Variants in PLAC1 observed in about 807,000 individuals in gnomAD.
PLAC1 encodes the protein placenta associated 1.
For synonymous variants in PLAC1, 68 were observed against 62.1 expected (o/e 1.09, Z -0.44); for missense variants, 136 against 163.2 (o/e 0.83, Z 0.91).
At chrX:134,633,585 G>A (rs1401640407) in intron 1 of PLAC1, among the ~76,000 whole-genome samples, 3 of 111,666 alleles carry the variant, frequency 2.7e-5, no homozygotes, top group Non-Finnish European at 5.6e-5. Flanking sequence ...GAAAGCAAGA[G>A]GAAATAAGGT....
At chrX:134,672,942 T>A (rs1477409246) in intron 2 of PLAC1, among the ~76,000 whole-genome samples, 1 of 112,449 alleles carries the variant, frequency 8.9e-6, no homozygotes, top group African/African-American at 3.2e-5. Flanking sequence ...ACTTACTGAG[T>A]ACTTTGTCAA....
At chrX:134,595,488 T>C (rs2078057985) in intron 2 of PLAC1, among the ~76,000 whole-genome samples, 1 of 109,962 alleles carries the variant, frequency 9.1e-6, no homozygotes, top group African/African-American at 3.3e-5. Context: ...CTTCTTTCAG[T>C]TCTATCAGTT....
At chrX:134,610,507 A>G (rs182985946) in intron 1 of PLAC1, among the ~76,000 whole-genome samples, 6 of 111,688 alleles carry the variant, frequency 5.4e-5, no homozygotes, top group African/African-American at 1.6e-4. Context: ...TCCTCCCAGG[A>G]ATCCTTGTCA....
intron 2 of PLAC1, among the ~76,000 whole-genome samples, chrX:134,692,698 G>A (rs1181859500): frequency 1.8e-5 from 2 of 111,794 alleles, no homozygotes; most frequent in Admixed American, 1.9e-4. Context: ...CAATCATTGA[G>A]TTAACTCATA....
chrX:134,607,543 C>T (rs1015505148), intron 1 of PLAC1: 8 of 172,964 alleles, frequency 4.6e-5, no homozygotes, highest in Non-Finnish European at 8.0e-5. Flanking sequence ...GAAGCACCAG[C>T]CCGCTCCACC....
At chrX:134,696,756 C>T (rs1033912859) in intron 2 of PLAC1, among the ~76,000 whole-genome samples, 1 of 110,971 alleles carries the variant, frequency 9.0e-6, no homozygotes, top group African/African-American at 3.3e-5. Flanking sequence ...TGGCCGGGCG[C>T]GGTGGCTCAC....
chrX:134,756,836 A>G (rs2078758691), intron 1 of PLAC1, among the ~76,000 whole-genome samples: 1 of 108,628 alleles, frequency 9.2e-6, no homozygotes, highest in African/African-American at 3.4e-5. Flanking sequence ...GGGAAAGAGC[A>G]AGACTCCGTC....
chrX:134,634,827 C>T (rs1018490354), intron 1 of PLAC1, among the ~76,000 whole-genome samples: 1 of 112,232 alleles, frequency 8.9e-6, no homozygotes, highest in Non-Finnish European at 1.9e-5. Flanking sequence ...CCGCCATGAA[C>T]ATTCATGTAC....
intron 2 of PLAC1, among the ~76,000 whole-genome samples, chrX:134,706,844 G>T (rs1456393562): frequency 9.0e-6 from 1 of 111,531 alleles, no homozygotes; most frequent in Non-Finnish European, 1.9e-5. Flanking sequence ...TAAGCTCGAA[G>T]ATACAAAAAT....
chrX:134,645,906 A>G (rs2078330676), intron 1 of PLAC1, among the ~76,000 whole-genome samples: 1 of 111,611 alleles, frequency 9.0e-6, no homozygotes, highest in South Asian at 3.8e-4. Context: ...TGCATAGCTT[A>G]GGTCAATGTT....
Position 134,583,450 on chromosome X carries a change from A to G in PLAC1, c.-58-16710T>C, listed in dbSNP as rs777935586. 1.0e-3 allele frequency among the ~76,000 whole-genome samples: 87 copies of G among 86,482 alleles called. 1 individual carries two copies. Among genetic ancestry groups the G allele is most frequent in the African/African-American group, 3.3e-3 (78 of 23,549 alleles). The allele number at this position is 86,482 out of a possible 115,157, so 75.1% of individuals were successfully genotyped here. A position where few individuals can be genotyped will look rare whatever the true frequency, so the allele number is the denominator to read the frequency against. ...ATCTGAGTTGTTTTTTTTTTTTTTA[A>G]ATGCCCAGAGAATTGGAGATATACA... On this transcript the variant is annotated intron_variant, in intron 2 of 2. Coordinates refer to ENST00000359237, the MANE Select transcript of PLAC1 (RefSeq NM_021796.4).
chrX:134,703,004 G>T (rs2147828405), intron 2 of PLAC1, among the ~76,000 whole-genome samples: 1 of 111,838 alleles, frequency 8.9e-6, no homozygotes, highest in Admixed American at 9.6e-5. Flanking sequence ...TAATAGAAAA[G>T]AACACAACCA....
rs960646336 is a variant in PLAC1, at chrX:134,762,202, C to G, written n.89+2032G>C. Among the ~76,000 whole-genome samples the G allele has an allele frequency of 2.6e-4, 28 of 107,962 alleles. No homozygotes were observed. In the Admixed American group the frequency reaches 2.7e-3, roughly 11 times the overall value. The allele number at this position is 107,962 out of a possible 115,157, so 93.8% of individuals were successfully genotyped here. On this transcript the variant is annotated intron_variant and non_coding_transcript_variant, in intron 1 of 2. Transcript: ENST00000466797. ...ATTCCAGAACTGTTGAGGCACCCCC[C>G]CCCCAATGACCACTTCCAGTCATTC...
chrX:134,595,699 A>G (rs1026267028), intron 2 of PLAC1, among the ~76,000 whole-genome samples: 6 of 108,180 alleles, frequency 5.5e-5, no homozygotes, highest in African/African-American at 2.0e-4. Flanking sequence ...TGTTTTGACT[A>G]ATGCTTGTAT....
intron 2 of PLAC1, among the ~76,000 whole-genome samples, chrX:134,693,684 A>C (rs1027218011): frequency 2.7e-5 from 3 of 111,366 alleles, no homozygotes; most frequent in African/African-American, 9.8e-5. Flanking sequence ...AAATTGAGAG[A>C]GAGAGAGAGA....
intron 1 of PLAC1, among the ~76,000 whole-genome samples, chrX:134,735,691 G>C (rs1265251127): frequency 9.1e-6 from 1 of 109,406 alleles, no homozygotes. Context: ...AACACCCTTT[G>C]GTCTTACTCA....
intron 1 of PLAC1, among the ~76,000 whole-genome samples, chrX:134,656,307 C>T (rs1420211857): frequency 8.9e-6 from 1 of 112,065 alleles, no homozygotes; most frequent in Non-Finnish European, 1.9e-5. Context: ...AGTCACTAGG[C>T]TTATCTGGCC....
intron 2 of PLAC1, among the ~76,000 whole-genome samples, chrX:134,568,429 G>A (rs902044837): frequency 1.8e-5 from 2 of 112,290 alleles, no homozygotes; most frequent in African/African-American, 6.5e-5. Context: ...ACAGGAGCCC[G>A]CTAGAAAAAC....
chrX:134,734,010 A>G (rs1401651431), intron 1 of PLAC1, among the ~76,000 whole-genome samples: 2 of 111,806 alleles, frequency 1.8e-5, no homozygotes, highest in African/African-American at 6.5e-5. Flanking sequence ...TAGGGGTCCT[A>G]GGAAACCTGA....
Sources: gnomAD v4.1 joint callset for allele counts (sites outside exome capture counted in the v4.1 genomes callset) on GRCh38, gnomAD v4.1.1 for gene constraint, MANE v1.5 for transcripts, NCBI Gene and HGNC (gene_info 2026-07-23, HGNC 2026-07-21) for gene names.